NBPF3: variants seen among roughly 807,000 people sequenced by gnomAD.
NBPF3 encodes NBPF member 3.
Under a neutral mutation model 78.1 loss-of-function variants are expected in NBPF3, and 57 were observed. The observed-to-expected ratio is 0.73, with a 90% CI of 0.59 to 0.91. The LOEUF is 0.91. Ranked by LOEUF, NBPF3 falls within the 40% of genes least tolerant of loss-of-function variation. The probability of loss-of-function intolerance (pLI) is 0.00; values close to 1 mark genes in which losing one functional copy is unlikely to be tolerated. For synonymous variants in NBPF3, 182 were observed against 271.7 expected (o/e 0.67, Z 3.25); for missense variants, 510 against 715.3 (o/e 0.71, Z 3.27).
intron 7 of NBPF3, among the ~76,000 whole-genome samples, chr1:21,474,210 C>CA (rs1642766406): frequency 6.9e-6 from 1 of 143,890 alleles, no homozygotes; most frequent in Admixed American, 7.0e-5. Context: ...TTTTCTTTTT[C>CA]TTTTTTTTTT....
chr1:21,468,658 C>G, intron 2 of NBPF3, 30 bp from the exon 3 acceptor site: 1 of 1,612,290 alleles, frequency 6.2e-7, no homozygotes, highest in East Asian at 2.2e-5. Flanking sequence ...AGTTTTTAAC[C>G]CATCGTGTGT....
intron 9 of NBPF3, among the ~76,000 whole-genome samples, chr1:21,478,912 C>G (rs1643027478): frequency 6.6e-6 from 1 of 152,060 alleles, no homozygotes; most frequent in Admixed American, 6.6e-5. Context: ...TGTGTAGAAC[C>G]AAGTGTCACT....
At chr1:21,440,463 G>C (rs942005505) in intron 1 of NBPF3, 115 bp downstream of exon 1, 1 of 151,704 alleles carries the variant, frequency 6.6e-6, no homozygotes, top group South Asian at 2.1e-4. Context: ...GCGGGTGGGA[G>C]GTGGGGGGTG....
chr1:21,468,931 T>A, intron 3 of NBPF3, 34 bp downstream of exon 3: 1 of 1,495,918 alleles, frequency 6.7e-7, no homozygotes, highest in Non-Finnish European at 9.3e-7. Flanking sequence ...ACAAAAGCGA[T>A]GAATGATGTC....
rs1280619988 is a variant in NBPF3, at chr1:21,470,374, C to T, written c.344-258C>T. ...AGTCAGACCTCAGGGGCTGTGAATTCTGACTCCACTTCATTGTGGTTGAAT... is the reference window on the plus strand; with the variant it reads ...AGTCAGACCTCAGGGGCTGTGAATTTTGACTCCACTTCATTGTGGTTGAAT... On this transcript the variant is annotated intron_variant, in intron 3 of 14. Transcript: ENST00000318249. Among the ~76,000 whole-genome samples, 2 of 152,228 alleles carry T rather than the reference C, an allele frequency of 1.3e-5. 1 individual carries two copies. Among genetic ancestry groups the T allele is most frequent in the African/African-American group, 4.8e-5 (2 of 41,464 alleles).
At chr1:21,477,540 T>A (rs1164338781) in intron 8 of NBPF3, among the ~76,000 whole-genome samples, 1 of 152,104 alleles carries the variant, frequency 6.6e-6, no homozygotes, top group Non-Finnish European at 1.5e-5. Flanking sequence ...CAGCAGCAGG[T>A]CTGGTGGAGT....
Position 21,468,690 on chromosome 1 carries a change from CCT to C in NBPF3, c.137_138del (p.Pro46ArgfsTer21). Reference protein sequence around the residue: ...RHQELRDPTVPGPTSSATNVS... With the variant: ...RHQELRDPTVXGPTSSATNVS... ...GTGTTTGGGTGTCTTCTCCCCAGTCCCTGGCCCCACCTCTTCTGCCACAAACG... is the reference window on the plus strand; with the variant it reads ...GTGTTTGGGTGTCTTCTCCCCAGTCCGGCCCCACCTCTTCTGCCACAAACG... On this transcript the variant is annotated frameshift_variant, in exon 3 of 15. Coordinates refer to ENST00000318249, the MANE Select transcript of NBPF3 (RefSeq NM_032264.6). LOFTEE classifies it high-confidence loss of function. 1.9e-6 allele frequency: 3 copies of C among 1,613,032 alleles called. No homozygotes were observed. Among genetic ancestry groups the C allele is most frequent in the Non-Finnish European group, 2.5e-6 (3 of 1,179,186 alleles).
chr1:21,477,150 C>T (rs1401294457), intron 8 of NBPF3, among the ~76,000 whole-genome samples: 1 of 152,196 alleles, frequency 6.6e-6, no homozygotes, highest in Non-Finnish European at 1.5e-5. Flanking sequence ...GTCTCCTCTA[C>T]ATTGTTTATT....
chr1:21,462,150 T>C (rs1324476902), intron 2 of NBPF3, among the ~76,000 whole-genome samples: 1 of 152,170 alleles, frequency 6.6e-6, no homozygotes, highest in Non-Finnish European at 1.5e-5. Context: ...GCCATGCTTC[T>C]TGTACAGCCT....
intron 8 of NBPF3, 49 bp from the exon 9 acceptor site, chr1:21,478,095 T>A (rs777650419): frequency 1.2e-6 from 2 of 1,612,778 alleles, no homozygotes; most frequent in South Asian, 1.1e-5. Flanking sequence ...TGTTGTCTAA[T>A]CTCTGTTGGT....
chr1:21,452,752 C>T (rs1002481102), intron 2 of NBPF3, among the ~76,000 whole-genome samples: 2 of 152,202 alleles, frequency 1.3e-5, no homozygotes, highest in Admixed American at 1.3e-4. Context: ...CTCTTGTTCC[C>T]TGAGAGCATC....
At chr1:21,463,648 C>G (rs78064828) in intron 2 of NBPF3, among the ~76,000 whole-genome samples, 1 of 152,224 alleles carries the variant, frequency 6.6e-6, no homozygotes, top group Non-Finnish European at 1.5e-5. Flanking sequence ...TCAAAGGACA[C>G]TGTCAAGGAA....
intron 2 of NBPF3, among the ~76,000 whole-genome samples, chr1:21,450,739 C>T (rs1641260868): frequency 5.9e-5 from 2 of 33,708 alleles, no homozygotes; most frequent in South Asian, 5.8e-3. Flanking sequence ...AAAACATCCA[C>T]ACCAGGTGTG....
upstream of NBPF3, chr1:21,437,403 G>C (rs1640446186): frequency 1.9e-6 from 2 of 1,038,648 alleles, no homozygotes; most frequent in Non-Finnish European, 2.7e-6. Flanking sequence ...GTGGAATCCT[G>C]GCTCTCAAAC....
chr1:21,441,523 G>T (rs912001336), intron 1 of NBPF3, among the ~76,000 whole-genome samples: 61 of 151,962 alleles, frequency 4.0e-4, no homozygotes, highest in Non-Finnish European at 1.0e-4. Context: ...CCTCGGCAAT[G>T]TGGCAAAACC....
At chr1:21,463,714 A>AG (rs1642089317) in intron 2 of NBPF3, among the ~76,000 whole-genome samples, 1 of 152,234 alleles carries the variant, frequency 6.6e-6, no homozygotes, top group Non-Finnish European at 1.5e-5. Flanking sequence ...TGTTTGACAC[A>AG]GGTCTAGTAC....
At chr1:21,475,546 A>T (rs1244965929) in intron 8 of NBPF3, among the ~76,000 whole-genome samples, 2 of 152,210 alleles carry the variant, frequency 1.3e-5, no homozygotes, top group Non-Finnish European at 2.9e-5. Flanking sequence ...CAGGTTGTTC[A>T]GTTTCCATGT....
intron 1 of NBPF3, among the ~76,000 whole-genome samples, chr1:21,444,701 G>A (rs1218938496): frequency 1.3e-5 from 2 of 152,120 alleles, no homozygotes; most frequent in East Asian, 1.9e-4. Flanking sequence ...GGGACTACAA[G>A]TGTGTGCCAC....
chr1:21,469,155 C>T (rs763280228), intron 3 of NBPF3, among the ~76,000 whole-genome samples: 2 of 152,176 alleles, frequency 1.3e-5, no homozygotes, highest in South Asian at 2.1e-4. Flanking sequence ...AGGCACAGAA[C>T]GACCTGTTTT....
Sources: gnomAD v4.1 joint callset for allele counts (sites outside exome capture counted in the v4.1 genomes callset) on GRCh38, gnomAD v4.1.1 for gene constraint, MANE v1.5 for transcripts, NCBI Gene and HGNC (gene_info 2026-07-23, HGNC 2026-07-21) for gene names.